ACSM3: variants seen among roughly 807,000 people sequenced by gnomAD.
ACSM3 encodes the protein acyl-coenzyme A synthetase ACSM3, mitochondrial.
Under a neutral mutation model 74.1 loss-of-function variants are expected in ACSM3, and 61 were observed. The observed-to-expected ratio is 0.82, with a 90% CI of 0.67 to 1.02. ACSM3 has a LOEUF of 1.02. Among genes scored for constraint, ACSM3 ranks in the 50% least tolerant of loss-of-function variants. The pLI is 0.00. For synonymous variants in ACSM3, 213 were observed against 241.5 expected (o/e 0.88, Z 1.09); for missense variants, 660 against 697.0 (o/e 0.95, Z 0.60).
chr16:20,706,392 A>C (rs998930976), intron 1 of ACSM3, among the ~76,000 whole-genome samples: 1 of 152,204 alleles, frequency 6.6e-6, no homozygotes, highest in Admixed American at 6.5e-5. Flanking sequence ...GAAACAAAGG[A>C]AGCTAGGAAG....
chr16:20,736,954 C>A (rs1161376349), intron 1 of ACSM3: 6 of 1,614,160 alleles, frequency 3.7e-6, no homozygotes, highest in East Asian at 2.2e-5. Context: ...GCTCCTCCCT[C>A]ATTTACCACC....
At chr16:20,736,785 TA>T in intron 1 of ACSM3, 3 of 1,290,454 alleles carry the variant, frequency 2.3e-6, no homozygotes, top group Admixed American at 4.5e-5. Context: ...AGCACACAAA[TA>T]AAAAACTGTT....
chr16:20,692,947 G>T (rs2079668172), intron 1 of ACSM3, among the ~76,000 whole-genome samples: 1 of 151,980 alleles, frequency 6.6e-6, no homozygotes. Context: ...GAGGCAGGTG[G>T]ATCATGAGGT....
chr16:20,793,365 A>G (rs1022884855), intron 12 of ACSM3, among the ~76,000 whole-genome samples: 2 of 152,168 alleles, frequency 1.3e-5, no homozygotes, highest in Non-Finnish European at 2.9e-5. Flanking sequence ...GCTACTTGGG[A>G]ATCTGAGGCA....
At chr16:20,682,169 C>T (rs2079459055) in intron 1 of ACSM3, 6 of 1,308,730 alleles carry the variant, frequency 4.6e-6, no homozygotes, top group Non-Finnish European at 5.4e-6. Flanking sequence ...TAAATACATC[C>T]TCCTCAACCC....
chr16:20,746,507 C>T (rs1301218307), intron 1 of ACSM3, among the ~76,000 whole-genome samples: 7 of 152,196 alleles, frequency 4.6e-5, no homozygotes, highest in Non-Finnish European at 8.8e-5. Context: ...AGTAAAATAA[C>T]ATAAAATGCG....
chr16:20,789,885 G>T (rs1284200905), intron 9 of ACSM3, among the ~76,000 whole-genome samples: 1 of 151,610 alleles, frequency 6.6e-6, no homozygotes, highest in African/African-American at 2.4e-5. Context: ...TGTTGCTCAG[G>T]CTGGTCTTGA....
intron 1 of ACSM3, chr16:20,741,481 G>GGGGC: frequency 1.5e-6 from 2 of 1,308,414 alleles, no homozygotes; most frequent in Non-Finnish European, 2.0e-6. Context: ...CTGGCAGCCG[G>GGGGC]CCCGCCCGCC....
In ACSM3 at chr16:20,742,809, A is replaced by T. The variant is rs1432668647; in HGVS notation, c.-189-7101A>T. ...TGCGTGTAAATATATATATATATAT[A>T]TATATTTTTTTTTTTTCCCTTCTCC... On this transcript the variant is annotated intron_variant, in intron 1 of 3. Coordinates refer to the ACSM3 transcript ENST00000561584. Among the ~76,000 whole-genome samples the T allele has an allele frequency of 4.3e-5, 4 of 93,370 alleles. No homozygotes were observed. In the East Asian group the frequency reaches 1.5e-3, roughly 34 times the overall value. 61.3% of individuals were successfully genotyped at this position (93,370 alleles called of 152,430 possible). A position where few individuals can be genotyped will look rare whatever the true frequency, so the allele number is the denominator to read the frequency against.
At chr16:20,718,965 AC>A (rs1489302999) in intron 1 of ACSM3, among the ~76,000 whole-genome samples, 1 of 152,188 alleles carries the variant, frequency 6.6e-6, no homozygotes, top group East Asian at 1.9e-4. Context: ...TTTTTACTTA[AC>A]AAGTATTTGT....
intron 1 of ACSM3, among the ~76,000 whole-genome samples, chr16:20,742,687 T>C (rs897701254): frequency 2.0e-5 from 3 of 150,554 alleles, no homozygotes; most frequent in Non-Finnish European, 4.4e-5. Context: ...ACACGGAAGC[T>C]TCTTGAGACC....
chr16:20,711,560 C>T, intron 1 of ACSM3: 1 of 1,419,188 alleles, frequency 7.0e-7, no homozygotes, highest in Non-Finnish European at 9.7e-7. Context: ...TGCATTGTGG[C>T]CAGTGAGGAG....
chr16:20,741,541 C>T, intron 1 of ACSM3: 1 of 1,347,384 alleles, frequency 7.4e-7, no homozygotes, highest in Non-Finnish European at 9.8e-7. Context: ...TCGCCGTATT[C>T]GTTGAGGAGG....
At chr16:20,722,450 T>A (rs1374679470) in intron 1 of ACSM3, among the ~76,000 whole-genome samples, 1 of 152,194 alleles carries the variant, frequency 6.6e-6, no homozygotes, top group Non-Finnish European at 1.5e-5. Context: ...GGAGGAGCTC[T>A]AAAACATTAG....
chr16:20,745,578 AAAAT>A (rs55894266), intron 1 of ACSM3, among the ~76,000 whole-genome samples: 59,390 of 150,416 alleles, frequency 0.39, 12,259 homozygotes, highest in East Asian at 0.72. Flanking sequence ...ACTCTGTCTC[AAAAT>A]AAATAAATAA....
chr16:20,715,172 A>G (rs901586078), intron 1 of ACSM3, among the ~76,000 whole-genome samples: 8 of 152,222 alleles, frequency 5.3e-5, no homozygotes, highest in African/African-American at 1.9e-4. Context: ...CTCTAGCCCA[A>G]CACATACCAA....
chr16:20,683,554 A>G (rs2079488235), intron 1 of ACSM3, among the ~76,000 whole-genome samples: 1 of 151,712 alleles, frequency 6.6e-6, no homozygotes, highest in Non-Finnish European at 1.5e-5. Context: ...TTTCTATTTC[A>G]AAATGGCCAT....
chr16:20,754,261 G>C (rs896713196), intron 2 of ACSM3, among the ~76,000 whole-genome samples: 11 of 152,172 alleles, frequency 7.2e-5, no homozygotes, highest in Non-Finnish European at 1.6e-4. Flanking sequence ...GTGTAGAAAT[G>C]TAGTGGGGTT....
At chr16:20,743,063 C>A (rs1596495468) in intron 1 of ACSM3, among the ~76,000 whole-genome samples, 2 of 151,418 alleles carry the variant, frequency 1.3e-5, no homozygotes, top group African/African-American at 4.9e-5. Flanking sequence ...GCCTCCCTCC[C>A]GAGTAGCTGG....
Sources: gnomAD v4.1 joint callset for allele counts (sites outside exome capture counted in the v4.1 genomes callset) on GRCh38, gnomAD v4.1.1 for gene constraint, MANE v1.5 for transcripts, NCBI Gene and HGNC (gene_info 2026-07-23, HGNC 2026-07-21) for gene names.